Variants in RTN4IP1 observed in about 807,000 individuals in gnomAD.
The protein encoded by RTN4IP1 is reticulon 4 interacting protein 1.
In RTN4IP1, 32 loss-of-function variants were observed where a neutral mutation model predicts 46.6. That is an observed-to-expected ratio of 0.69 (90% CI 0.52 to 0.92). RTN4IP1 has a LOEUF of 0.92. Among genes scored for constraint, RTN4IP1 ranks in the 40% least tolerant of loss-of-function variants. The pLI, the probability that RTN4IP1 is intolerant of heterozygous loss-of-function variation, is 0.00. For missense variants in RTN4IP1, 424 were observed against 485.8 expected, an observed-to-expected ratio of 0.87 and a Z score of 1.20; for synonymous variants, 167 against 161.8, an observed-to-expected ratio of 1.03 and a Z score of -0.24.
intron 3 of RTN4IP1, 87 bp from the exon 4 acceptor site, chr6:106,619,413 G>A: frequency 6.7e-7 from 1 of 1,481,504 alleles, no homozygotes; most frequent in Non-Finnish European, 9.2e-7. Context: ...CAGGAATCCA[G>A]CTGACCCTTG....
intron 8 of RTN4IP1, among the ~76,000 whole-genome samples, chr6:106,580,721 A>C (rs1273783886): frequency 6.7e-6 from 1 of 150,100 alleles, no homozygotes; most frequent in South Asian, 2.1e-4. Flanking sequence ...TCTGTCTCAA[A>C]GAAAAAAAAA....
At chr6:106,608,579 T>A (rs1776143834) in intron 4 of RTN4IP1, among the ~76,000 whole-genome samples, 1 of 152,202 alleles carries the variant, frequency 6.6e-6, no homozygotes, top group Admixed American at 6.5e-5. Flanking sequence ...TATCCATGTA[T>A]TGAAATATCA....
intron 4 of RTN4IP1, among the ~76,000 whole-genome samples, chr6:106,615,164 T>TA (rs751093185): frequency 6.6e-6 from 1 of 152,054 alleles, no homozygotes; most frequent in Admixed American, 6.5e-5. Context: ...AATGAAAACT[T>TA]AAAGTCCAAA....
intron 3 of RTN4IP1, among the ~76,000 whole-genome samples, chr6:106,620,824 T>C (rs1401753741): frequency 6.6e-6 from 1 of 152,204 alleles, no homozygotes; most frequent in African/African-American, 2.4e-5. Flanking sequence ...TTCCCATTAG[T>C]CGTGAAGTAA....
Position 106,587,849 on chromosome 6 carries a change from G to C in RTN4IP1, c.820C>G (p.Leu274Val), listed in dbSNP as rs1046496679. The change falls in exon 7 of 9, where the codon CTT (leucine) becomes GTT (valine). Residue 274 changes from leucine (L) to valine (V), a missense_variant. Transcript: ENST00000369063. ...TCAGTGGATCCGCCAACATTATCAA[G>C]GATAAAATCAAATCTGGAGAGGAAG... is the stretch of plus-strand genomic sequence containing the variant. The part of the protein sequence containing the change: ...LKSLKPFDFI[L>V]DNVGGSTETW... 1.9e-6 allele frequency: 3 copies of C among 1,612,052 alleles called. No homozygotes were observed. Among genetic ancestry groups the C allele is most frequent in the Admixed American group, 1.7e-5 (1 of 59,820 alleles).
rs747032626 is a variant in RTN4IP1, at chr6:106,572,113, A to G, written c.1084-10T>C. ...CAATAACTGGCCGGATCTGTAAAAC[A>G]TAAGAGGTTGACCGGTGGATAAAAA... On this transcript the variant is annotated splice_polypyrimidine_tract_variant and intron_variant, in intron 8 of 8. Transcript: ENST00000369063. 1.2e-5 allele frequency: 19 copies of G among 1,602,424 alleles called. No homozygotes were observed. The highest frequency in any genetic ancestry group is 1.7e-5 in the Admixed American group (1 of 59,686).
chr6:106,601,641 G>T (rs9373881), intron 5 of RTN4IP1, among the ~76,000 whole-genome samples: 141,348 of 152,250 alleles, frequency 0.93, 66,149 homozygotes, highest in Non-Finnish European at 1. Flanking sequence ...AGACAGAGTT[G>T]CACTCATCAC....
At chr6:106,590,293 C>A (rs1775619458) in intron 6 of RTN4IP1, among the ~76,000 whole-genome samples, 1 of 152,046 alleles carries the variant, frequency 6.6e-6, no homozygotes, top group Admixed American at 6.6e-5. Flanking sequence ...CCAGCCTGGG[C>A]AACAGAGTGA....
intron 4 of RTN4IP1, among the ~76,000 whole-genome samples, chr6:106,609,391 C>A (rs754238227): frequency 4.6e-5 from 7 of 151,854 alleles, no homozygotes; most frequent in African/African-American, 1.7e-4. Context: ...CACATCTCTA[C>A]GAAAAATAAA....
intron 4 of RTN4IP1, among the ~76,000 whole-genome samples, chr6:106,606,416 T>C (rs1350529231): frequency 6.6e-6 from 1 of 151,902 alleles, no homozygotes; most frequent in Non-Finnish European, 1.5e-5. Flanking sequence ...CAACACTCTG[T>C]CTCCAAAAAG....
At chr6:106,597,847 C>T (rs1037788588) in intron 5 of RTN4IP1, among the ~76,000 whole-genome samples, 7 of 152,206 alleles carry the variant, frequency 4.6e-5, no homozygotes, top group Admixed American at 1.3e-4. Flanking sequence ...CCTCCCCGCT[C>T]CCCGCACCCC....
intron 1 of RTN4IP1, among the ~76,000 whole-genome samples, chr6:106,628,462 A>C (rs1776713491): frequency 6.6e-6 from 1 of 151,430 alleles, no homozygotes; most frequent in Non-Finnish European, 1.5e-5. Flanking sequence ...AGTGAGACTC[A>C]GTCTCAAAAA....
At chr6:106,624,069 T>C (rs1776567342) in intron 1 of RTN4IP1, among the ~76,000 whole-genome samples, 1 of 152,206 alleles carries the variant, frequency 6.6e-6, no homozygotes, top group Non-Finnish European at 1.5e-5. Flanking sequence ...TTTTATTTAT[T>C]TTTTTGAGAC....
Position 106,602,888 on chromosome 6 carries a change from T to A in RTN4IP1, c.655A>T (p.Thr219Ser). ...AATGGTTTTACCTGTATAGCAAAAG[T>A]ACCAACTCCGCCTGAAGCGCCTAAG... ...LILGASGGVG[T>S]FAIQVMKAWD... The change falls in exon 5 of 9, where the codon ACT (threonine) becomes TCT (serine). Residue 219 changes from threonine (T) to serine (S), a missense_variant. Physicochemically the swap from Thr to Ser is moderately conservative, Grantham distance 58. Transcript: ENST00000369063. 1 of 1,604,224 alleles carries A rather than the reference T, an allele frequency of 6.2e-7. No homozygotes were observed. The highest frequency in any genetic ancestry group is 8.5e-7 in the Non-Finnish European group (1 of 1,176,326).
At chr6:106,592,439 C>T in intron 5 of RTN4IP1, 139 bp from the exon 6 acceptor site, 1 of 853,290 alleles carries the variant, frequency 1.2e-6, no homozygotes, top group Non-Finnish European at 1.8e-6. Context: ...TCATCTTAAC[C>T]AGAACTATAG....
chr6:106,623,735 C>T (rs538299150), intron 1 of RTN4IP1, among the ~76,000 whole-genome samples: 55 of 152,264 alleles, frequency 3.6e-4, no homozygotes, highest in African/African-American at 1.0e-3. Flanking sequence ...TACAGTTTTG[C>T]TTTGTTCTTT....
chr6:106,590,121 C>T (rs1158969559), intron 6 of RTN4IP1, among the ~76,000 whole-genome samples: 1 of 151,742 alleles, frequency 6.6e-6, no homozygotes, highest in African/African-American at 2.4e-5. Context: ...GGTTCAAGAC[C>T]AGCCCGGCCA....
At chr6:106,590,714 C>CAAA (rs35293436) in intron 6 of RTN4IP1, among the ~76,000 whole-genome samples, 8,515 of 68,454 alleles carry the variant, frequency 0.12, 1,132 homozygotes, top group Non-Finnish European at 0.15. Context: ...GAATCCATCT[C>CAAA]AAAAAAAAAA....
intron 5 of RTN4IP1, among the ~76,000 whole-genome samples, chr6:106,595,043 C>CA (rs1360386812): frequency 6.6e-6 from 1 of 152,184 alleles, no homozygotes; most frequent in Non-Finnish European, 1.5e-5. Flanking sequence ...CTCACGTGAT[C>CA]CACCCGCCTT....
Sources: allele counts gnomAD v4.1 joint callset (sites outside exome capture counted in the v4.1 genomes callset), GRCh38; gene constraint gnomAD v4.1.1; transcripts MANE v1.5; gene names NCBI Gene and HGNC (gene_info 2026-07-23, HGNC 2026-07-21).